Variants in IL1RAP observed in about 807,000 individuals in gnomAD.
The protein encoded by IL1RAP is interleukin-1 receptor accessory protein.
Under a neutral mutation model 60.7 loss-of-function variants are expected in IL1RAP, and 35 were observed. That is an observed-to-expected ratio of 0.58 (90% CI 0.44 to 0.76). The LOEUF is 0.76. Ranked by LOEUF, IL1RAP falls within the 30% of genes least tolerant of loss-of-function variation. The pLI is 0.00. For synonymous variants in IL1RAP, 268 were observed against 250.9 expected (o/e 1.07, Z -0.64); for missense variants, 572 against 693.9 (o/e 0.82, Z 1.97).
At position 190,585,269 on chromosome 3, in the gene IL1RAP, C is replaced by G. The variant is rs577792427; in HGVS notation, c.65-18859C>G. On this transcript the variant is annotated intron_variant, in intron 3 of 11. Transcript: ENST00000447382. ...CAGTCTTTCTCAACTTGATCAGTCA[C>G]AGTGCCCACTCTAACCATTGTCAAG... Among the ~76,000 whole-genome samples, 9 of 152,306 alleles carry G rather than the reference C, an allele frequency of 5.9e-5. No individual in the cohort carries two copies. The South Asian group carries it at 1.9e-3, about 32-fold the overall frequency.
In IL1RAP at chr3:190,573,062, A is replaced by G. The variant is rs1202967827; in HGVS notation, c.64+8709A>G. On this transcript the variant is annotated intron_variant, in intron 3 of 11. Transcript: ENST00000447382. ...GTATTTTTAGTAGAGACGGGGTTTCACCGTTTTAGCCGGGATGGTCTCGAT... is the reference window on the plus strand; with the variant it reads ...GTATTTTTAGTAGAGACGGGGTTTCGCCGTTTTAGCCGGGATGGTCTCGAT... 9.5e-5 allele frequency among the ~76,000 whole-genome samples: 4 copies of G among 42,088 alleles called. 2 individuals carry two copies. Among genetic ancestry groups the G allele is most frequent in the African/African-American group, 3.1e-4 (4 of 12,980 alleles). 27.6% of individuals were successfully genotyped at this position (42,088 alleles called of 152,430 possible). A position where few individuals can be genotyped will look rare whatever the true frequency, so the allele number is the denominator to read the frequency against.
intron 1 of IL1RAP, among the ~76,000 whole-genome samples, chr3:190,542,879 A>ATTTTT (rs66937098): frequency 9.5e-6 from 1 of 104,806 alleles, no homozygotes; most frequent in African/African-American, 3.6e-5. Flanking sequence ...GATTAAGGGA[A>ATTTTT]TTTTTTTTTT....
At chr3:190,551,074 T>G (rs184157246) in intron 1 of IL1RAP, among the ~76,000 whole-genome samples, 4 of 152,340 alleles carry the variant, frequency 2.6e-5, no homozygotes, top group Non-Finnish European at 5.9e-5. Flanking sequence ...CAAATACCTA[T>G]GAGTTGGGTG....
At chr3:190,554,365 G>A (rs1178368240) in intron 1 of IL1RAP, among the ~76,000 whole-genome samples, 2 of 152,156 alleles carry the variant, frequency 1.3e-5, no homozygotes, top group Admixed American at 1.3e-4. Flanking sequence ...CCCAGGAACA[G>A]GAGAGGCAGG....
chr3:190,521,583 T>A (rs1722021439), intron 1 of IL1RAP, among the ~76,000 whole-genome samples: 1 of 152,116 alleles, frequency 6.6e-6, no homozygotes, highest in Admixed American at 6.5e-5. Flanking sequence ...TAGAGTGTTT[T>A]ATAAATCTGT....
rs1351332206 is a variant in IL1RAP at position 190,651,274 on chromosome 3, G to A, written c.*2569G>A. On this transcript the variant is annotated 3_prime_UTR_variant, in exon 12 of 12. Transcript: ENST00000447382. ...AGTGTCTAATTACAAAATCATATACGATTTATTTAATTCTCTTCTGTATTG... is the reference window on the plus strand; with the variant it reads ...AGTGTCTAATTACAAAATCATATACAATTTATTTAATTCTCTTCTGTATTG... The A allele has an allele frequency of 5.2e-5, 50 of 959,124 alleles. No individual in the cohort carries two copies. Among genetic ancestry groups the A allele is most frequent in the Admixed American group, 6.2e-5 (1 of 16,216 alleles). The allele number at this position is 959,124 out of a possible 1,614,324, so 59.4% of individuals were successfully genotyped here.
At chr3:190,560,102 T>G (rs954470146) in intron 2 of IL1RAP, among the ~76,000 whole-genome samples, 1 of 152,216 alleles carries the variant, frequency 6.6e-6, no homozygotes, top group Non-Finnish European at 1.5e-5. Flanking sequence ...TTGTGTAGAA[T>G]GGAATAATTA....
At chr3:190,622,777 C>G (rs1024480863) in intron 6 of IL1RAP, among the ~76,000 whole-genome samples, 2 of 152,100 alleles carry the variant, frequency 1.3e-5, no homozygotes, top group African/African-American at 4.8e-5. Flanking sequence ...CTCTCCGAAC[C>G]TCATTGTTTA....
In IL1RAP at chr3:190,604,177, T is replaced by G; in HGVS notation, c.114T>G (p.Phe38Leu). ...GLDTMRQIQV[F>L]EDEPARIKCP... ...ACACCATGAGGCAAATCCAAGTGTT[T>G]GAAGATGAGCCAGCTCGCATCAAGT... The change falls in exon 4 of 12, where the codon TTT becomes TTG. Residue 38 changes from phenylalanine (F) to leucine (L), a missense_variant. Physicochemically the swap from Phe to Leu is conservative, Grantham distance 22. Coordinates refer to ENST00000447382, the MANE Select transcript of IL1RAP (RefSeq NM_002182.4). 6.2e-7 allele frequency: 1 copy of G among 1,613,996 alleles called. No individual in the cohort carries two copies. Among genetic ancestry groups the G allele is most frequent in the East Asian group, 2.2e-5 (1 of 44,862 alleles).
At chr3:190,658,023 C>G (rs1734668633) in exon 12 of IL1RAP, 1 of 150,488 alleles carries the variant, frequency 6.6e-6, no homozygotes, top group Non-Finnish European at 1.5e-5. Flanking sequence ...CCACTGCACT[C>G]CAGACTTGGT....
intron 3 of IL1RAP, among the ~76,000 whole-genome samples, chr3:190,598,603 T>C (rs925200456): frequency 3.3e-5 from 5 of 152,098 alleles, no homozygotes; most frequent in Non-Finnish European, 5.9e-5. Flanking sequence ...AAAATCAAAA[T>C]AATTATATAC....
chr3:190,583,958 C>T (rs1466842241), intron 3 of IL1RAP, among the ~76,000 whole-genome samples: 1 of 152,112 alleles, frequency 6.6e-6, no homozygotes, highest in Non-Finnish European at 1.5e-5. Context: ...TGAATTTTGA[C>T]AAATGCATAC....
At position 190,609,239 on chromosome 3, in the gene IL1RAP, T is replaced by C. The variant is rs187219152; in HGVS notation, c.537+58T>C. ...TAATGGCTTATAAAATGATAATGCT[T>C]ATTTGCTGAGTTATATTTATAAGCA... On this transcript the variant is annotated intron_variant, in intron 5 of 11. Transcript: ENST00000447382. 54 of 1,192,074 alleles carry C rather than the reference T, an allele frequency of 4.5e-5. No homozygotes were observed. The African/African-American group carries it at 8.3e-4, about 18-fold the overall frequency. The allele number at this position is 1,192,074 out of a possible 1,614,324, so 73.8% of individuals were successfully genotyped here.
intron 3 of IL1RAP, among the ~76,000 whole-genome samples, chr3:190,595,172 C>A (rs1729276190): frequency 6.6e-6 from 1 of 152,122 alleles, no homozygotes; most frequent in Admixed American, 6.5e-5. Flanking sequence ...CTCCGTGAGA[C>A]CTTTGTTTTG....
chr3:190,632,425 T>C (rs989712938), intron 9 of IL1RAP, among the ~76,000 whole-genome samples: 18 of 152,238 alleles, frequency 1.2e-4, no homozygotes, highest in Admixed American at 4.6e-4. Context: ...TTAAAATGTT[T>C]AGCTCATTTT....
rs1726162779 is a variant in IL1RAP at position 190,564,201 on chromosome 3, T to C, written c.-1-88T>C. 4.8e-6 allele frequency: 4 copies of C among 832,338 alleles called. No individual in the cohort carries two copies. In the South Asian group the frequency reaches 5.4e-5, roughly 11 times the overall value. 51.6% of individuals were successfully genotyped at this position (832,338 alleles called of 1,614,324 possible). ...AATTCTTAGAACAGTCCCTAGTCTA[T>C]AGTCAGCAGGCATGAATGCTAGTTA... On this transcript the variant is annotated intron_variant, in intron 2 of 11. Transcript: ENST00000447382.
intron 5 of IL1RAP, among the ~76,000 whole-genome samples, chr3:190,611,270 A>T (rs1374448359): frequency 6.6e-6 from 1 of 152,200 alleles, no homozygotes; most frequent in Non-Finnish European, 1.5e-5. Flanking sequence ...TTACATATTG[A>T]TTCATATTAC....
At position 190,645,861 on chromosome 3, in the gene IL1RAP, T is replaced by C. The variant is rs1175547603; in HGVS notation, c.1345+19T>C. 3 of 1,601,158 alleles carry C rather than the reference T, an allele frequency of 1.9e-6. No homozygotes were observed. In the Admixed American group the frequency reaches 5.1e-5, roughly 27 times the overall value. On this transcript the variant is annotated intron_variant, in intron 11 of 11. Coordinates refer to ENST00000447382, the MANE Select transcript of IL1RAP (RefSeq NM_002182.4). ...GGGGGAAGTAGGTATTTCAGAGGAG[T>C]ACAAATGATGCTACCTTGAAAGGCA...
intron 4 of IL1RAP, among the ~76,000 whole-genome samples, chr3:190,607,354 A>ACATC (rs1204987353): frequency 5.3e-5 from 8 of 152,226 alleles, no homozygotes; most frequent in African/African-American, 1.9e-4. Flanking sequence ...CACAAGTTTT[A>ACATC]CATCCATTCC....
Sources: gnomAD v4.1 joint callset for allele counts (sites outside exome capture counted in the v4.1 genomes callset) on GRCh38, gnomAD v4.1.1 for gene constraint, MANE v1.5 for transcripts, NCBI Gene and HGNC (gene_info 2026-07-23, HGNC 2026-07-21) for gene names.